Variants in SV2A observed in about 807,000 individuals in gnomAD.
SV2A encodes synaptic vesicle glycoprotein 2A, also known as solute carrier family 22 member B1.
In SV2A, 25 loss-of-function variants were observed where a neutral mutation model predicts 78.0. The ratio of observed to expected loss-of-function variants is 0.32; its 90% confidence interval spans 0.23 to 0.45. SV2A has a LOEUF of 0.45. SV2A is among the 20% of genes least tolerant of loss of function. The probability of loss-of-function intolerance (pLI) is 1.00; values close to 1 mark genes in which losing one functional copy is unlikely to be tolerated. For synonymous variants in SV2A, 355 were observed against 384.7 expected, an observed-to-expected ratio of 0.92 and a Z score of 0.90; for missense variants, 752 against 971.5, an observed-to-expected ratio of 0.77 and a Z score of 3.00.
At position 149,906,106 on chromosome 1, in the gene SV2A, G is replaced by A. The variant is rs2092436406; in HGVS notation, c.1886-67C>T. 1.9e-6 allele frequency: 3 copies of A among 1,570,006 alleles called. No individual in the cohort carries two copies. In the African/African-American group the frequency reaches 4.0e-5, roughly 21 times the overall value. Reference sequence around the variant, plus strand: ...GTGAAACCCACCCACAGCCCACCCTGTCCCATCAGCTGGCTTTCAGATAGC... The same window carrying A: ...GTGAAACCCACCCACAGCCCACCCTATCCCATCAGCTGGCTTTCAGATAGC... On this transcript the variant is annotated intron_variant, in intron 11 of 12. Transcript: ENST00000369146.
At chr1:149,909,726 G>T in intron 6 of SV2A, 75 bp downstream of exon 6, 2 of 1,508,038 alleles carry the variant, frequency 1.3e-6, no homozygotes, top group African/African-American at 1.4e-5. Context: ...TGAGGTGGGG[G>T]GTACTCAGAG....
At position 149,909,894 on chromosome 1, in the gene SV2A, G is replaced by C. The variant is rs201829805; in HGVS notation, c.1090-4C>G. ...AGGCCTCATCATGCTTTCCATTCTA[G>C]AGCCAAAGACACAATCCCCACATCC... On this transcript the variant is annotated splice_polypyrimidine_tract_variant and splice_region_variant and intron_variant, in intron 5 of 12. Coordinates refer to ENST00000369146, the MANE Select transcript of SV2A (RefSeq NM_014849.5). The C allele has an allele frequency of 1.1e-5, 17 of 1,613,924 alleles. No individual in the cohort carries two copies. In the East Asian group the frequency reaches 1.8e-4, roughly 17 times the overall value.
chr1:149,908,073 T>A lies in SV2A; in HGVS notation c.1513A>T (p.Ile505Phe). 1 of 1,614,096 alleles carries A rather than the reference T, an allele frequency of 6.2e-7. No individual in the cohort carries two copies. Among genetic ancestry groups the A allele is most frequent in the Non-Finnish European group, 8.5e-7 (1 of 1,180,014 alleles). Residue 505 changes from isoleucine (I) to phenylalanine (F), a missense_variant, in exon 9 of 13, where the codon ATC (isoleucine) becomes TTC (phenylalanine). Coordinates refer to ENST00000369146, the MANE Select transcript of SV2A (RefSeq NM_014849.5). The part of the protein sequence containing the change: ...VTFNFTLENQ[I>F]HRGGQYFNDK... ...TTGAAGTACTGCCCGCCTCGGTGGA[T>A]CTGATTCTCCAACGTGAAGTTAAAA...
chr1:149,916,932 G>A (rs2092517768), intron 1 of SV2A, among the ~76,000 whole-genome samples: 1 of 151,980 alleles, frequency 6.6e-6, no homozygotes, highest in African/African-American at 2.4e-5. Context: ...GAGGAATACG[G>A]AGAGGCAGAG....
In SV2A at chr1:149,908,805, T is replaced by C. The variant is rs988652698; in HGVS notation, c.1379+387A>G. On this transcript the variant is annotated intron_variant, in intron 8 of 12. Transcript: ENST00000369146. ...GGCGCCCACCACCATGCCCGGCTAA[T>C]TTTTTGTATGTTAGTAGAGACGGGG... 1.2e-3 allele frequency among the ~76,000 whole-genome samples: 189 copies of C among 152,250 alleles called. 1 individual carries two copies. Among genetic ancestry groups the C allele is most frequent in the African/African-American group, 4.4e-3 (182 of 41,544 alleles).
chr1:149,913,188 G>C (rs781826618), intron 2 of SV2A, 31 bp downstream of exon 2: 1 of 1,600,618 alleles, frequency 6.2e-7, no homozygotes, highest in Non-Finnish European at 8.5e-7. Flanking sequence ...CAGAGTTTGA[G>C]GGGATAAGGC....
At chr1:149,906,595 C>T in intron 11 of SV2A, 55 bp downstream of exon 11, 5 of 1,582,942 alleles carry the variant, frequency 3.2e-6, no homozygotes, top group Non-Finnish European at 4.3e-6. Flanking sequence ...CTGTTGACTG[C>T]CTCCCGCAGC....
In SV2A at chr1:149,909,801, T is replaced by G; in HGVS notation, c.1179A>C (p.Ser393=). 1 of 1,613,692 alleles carries G rather than the reference T, an allele frequency of 6.2e-7. No individual in the cohort carries two copies. The highest frequency in any genetic ancestry group is 8.5e-7 in the Non-Finnish European group (1 of 1,179,994). ...RAKGHPERVF[S]VTHIKTIHQE... ...CTGAGTCGGGAGGGCTGTGGCTTAC[T>G]GAGAACACTCGCTCAGGATGTCCTT... The change falls in exon 6 of 13, where the codon TCA becomes TCC. Residue 393 remains serine, a splice_region_variant and synonymous_variant. Transcript: ENST00000369146.
chr1:149,915,282 C>T (rs1197539129), intron 1 of SV2A, among the ~76,000 whole-genome samples: 5 of 152,146 alleles, frequency 3.3e-5, no homozygotes, highest in Non-Finnish European at 7.4e-5. Flanking sequence ...CAAGGGACAA[C>T]AGGGGGGTCA....
chr1:149,908,595 CCA>C (rs1433315042), intron 8 of SV2A, among the ~76,000 whole-genome samples: 1 of 152,140 alleles, frequency 6.6e-6, no homozygotes, highest in Non-Finnish European at 1.5e-5. Context: ...TGCCCTTCCC[CCA>C]CCCTTCTCTC....
At chr1:149,917,117 A>G (rs1412962966) in intron 1 of SV2A, among the ~76,000 whole-genome samples, 2 of 151,900 alleles carry the variant, frequency 1.3e-5, no homozygotes, top group African/African-American at 4.8e-5. Context: ...CTGCTGCTAG[A>G]CAAGTGTCCA....
At chr1:149,907,087 A>G (rs1446884046) in intron 10 of SV2A, 1 of 667,914 alleles carries the variant, frequency 1.5e-6, no homozygotes, top group Non-Finnish European at 1.9e-6. Context: ...AAGTTCTCCC[A>G]TTAATAGTCT....
intron 8 of SV2A, among the ~76,000 whole-genome samples, chr1:149,908,816 T>G (rs373004255): frequency 5.9e-5 from 9 of 152,132 alleles, no homozygotes; most frequent in African/African-American, 1.9e-4. Context: ...TTTTTGTATG[T>G]TAGTAGAGAC....
intron 5 of SV2A, 60 bp from the exon 6 acceptor site, chr1:149,909,950 G>T: frequency 6.6e-7 from 1 of 1,520,464 alleles, no homozygotes; most frequent in Non-Finnish European, 9.1e-7. Flanking sequence ...CAGAGTTATA[G>T]ACCCCCTCCC....
intron 10 of SV2A, 110 bp downstream of exon 10, chr1:149,907,590 G>A (rs2092446754): frequency 1.4e-6 from 2 of 1,379,838 alleles, no homozygotes; most frequent in South Asian, 3.5e-5. Flanking sequence ...TTCCCACAGG[G>A]GTCCAGGGAT....
Position 149,908,116 on chromosome 1 carries a change from C to T in SV2A, c.1470G>A (p.Glu490=). 1 of 1,614,206 alleles carries T rather than the reference C, an allele frequency of 6.2e-7. No homozygotes were observed. The highest frequency in any genetic ancestry group is 1.3e-5 in the African/African-American group (1 of 75,050). The change falls in exon 9 of 13, where the codon GAG becomes GAA. Residue 490 remains glutamate, a synonymous_variant. Coordinates refer to ENST00000369146, the MANE Select transcript of SV2A (RefSeq NM_014849.5). ...YASRTKVFPG[E]RVEHVTFNFT... Reference sequence around the variant, plus strand: ...AGTTAAAAGTTACATGCTCTACGCGCTCCCCGGGGAACACTTTGGTGCGGG... The same window carrying T: ...AGTTAAAAGTTACATGCTCTACGCGTTCCCCGGGGAACACTTTGGTGCGGG...
At chr1:149,913,052 G>A (rs2092485503) in intron 2 of SV2A, among the ~76,000 whole-genome samples, 167 bp downstream of exon 2, 1 of 152,188 alleles carries the variant, frequency 6.6e-6, no homozygotes, top group Non-Finnish European at 1.5e-5. Flanking sequence ...CCAAGGCCAA[G>A]AAGAGGGAGT....
chr1:149,917,017 C>G (rs1284258015), intron 1 of SV2A, among the ~76,000 whole-genome samples: 1 of 152,014 alleles, frequency 6.6e-6, no homozygotes, highest in Non-Finnish European at 1.5e-5. Context: ...GCGACCCCCC[C>G]ACACCCCATC....
intron 3 of SV2A, among the ~76,000 whole-genome samples, 171 bp downstream of exon 3, chr1:149,911,629 A>AGGG (rs2092475945): frequency 1.3e-5 from 2 of 152,300 alleles, no homozygotes; most frequent in East Asian, 3.9e-4. Flanking sequence ...GGTCCTGGGC[A>AGGG]GGGAGGAGCT....
Sources: gnomAD v4.1 joint callset for allele counts (sites outside exome capture counted in the v4.1 genomes callset) on GRCh38, gnomAD v4.1.1 for gene constraint, MANE v1.5 for transcripts, NCBI Gene and HGNC (gene_info 2026-07-23, HGNC 2026-07-21) for gene names.